Variants in DKC1 observed in about 807,000 individuals in gnomAD.
The protein encoded by DKC1 is H/ACA ribonucleoprotein complex subunit DKC1.
DKC1 carries 4 observed loss-of-function variants against 46.7 expected under a neutral mutation model. The ratio of observed to expected loss-of-function variants is 0.09; its 90% CI spans 0.04 to 0.20. The LOEUF is 0.20. Among genes scored for constraint, DKC1 ranks in the 10% least tolerant of loss-of-function variants. DKC1 has a pLI of 1.00. For missense variants in DKC1, 171 were observed against 404.2 expected (o/e 0.42, Z 4.95); for synonymous variants, 141 against 142.4 (o/e 0.99, Z 0.07).
At position 154,777,083 on chromosome X, in the gene DKC1, C is replaced by T. The variant is rs1191936614; in HGVS notation, c.*216C>T. The T allele has an allele frequency of 5.8e-6, 2 of 342,216 alleles. No homozygotes were observed. The highest frequency in any genetic ancestry group is 5.4e-5 in the East Asian group (1 of 18,615). The allele number at this position is 342,216 out of a possible 1,213,427, so 28.2% of individuals were successfully genotyped here. A position where few individuals can be genotyped will look rare whatever the true frequency, so the allele number is the denominator to read the frequency against. ...TATGGGTGGTGAAAGATGAAAGAGG[C>T]AGAGTTTATCCCAATGACTTCTCTG... On this transcript the variant is annotated 3_prime_UTR_variant, in exon 15 of 15. Coordinates refer to ENST00000369550, the MANE Select transcript of DKC1 (RefSeq NM_001363.5).
chrX:154,775,253 G>C lies in DKC1; in HGVS notation c.1318G>C (p.Glu440Gln). ...GGTAAAAGCCCCGCAGGTAGTTGCC[G>C]AAGCAGCAAAAACTGCGAAGGTGAG... is the stretch of plus-strand genomic sequence containing the variant. ...EVVKAPQVVAEAAKTAKRKRE... is the reference protein window; with the variant it reads ...EVVKAPQVVAQAAKTAKRKRE... The change falls in exon 13 of 15, where the codon GAA becomes CAA. Residue 440 changes from glutamate to glutamine, a missense_variant. Glu to Gln is a conservative substitution (Grantham distance 29, BLOSUM62 2). Coordinates refer to ENST00000369550, the MANE Select transcript of DKC1 (RefSeq NM_001363.5). 1 of 1,211,504 alleles carries C rather than the reference G, an allele frequency of 8.3e-7. No individual in the cohort carries two copies. Among genetic ancestry groups the C allele is most frequent in the Non-Finnish European group, 1.1e-6 (1 of 895,355 alleles).
chrX:154,767,843 CTTTT>C (rs35184460), intron 7 of DKC1, among the ~76,000 whole-genome samples: 92 of 65,132 alleles, frequency 1.4e-3, no homozygotes, highest in Non-Finnish European at 2.0e-3. Flanking sequence ...AATTACAGAT[CTTTT>C]TTTTTTTTTT....
At chrX:154,776,682 C>T in intron 14 of DKC1, 117 bp from the exon 15 acceptor site, 1 of 744,612 alleles carries the variant, frequency 1.3e-6, no homozygotes, top group East Asian at 3.3e-5. Flanking sequence ...CCAAAATATC[C>T]TTACAGGTCC....
chrX:154,770,529 GTCT>G (rs2071810140), intron 9 of DKC1, among the ~76,000 whole-genome samples: 1 of 104,504 alleles, frequency 9.6e-6, no homozygotes, highest in Non-Finnish European at 2.0e-5. Context: ...AAACCTGAAA[GTCT>G]TCTTTACTAC....
Position 154,764,977 on chromosome X carries a change from A to G in DKC1, c.84+11A>G. The G allele has an allele frequency of 8.5e-7, 1 of 1,176,692 alleles. No individual in the cohort carries two copies. The highest frequency in any genetic ancestry group is 1.2e-6 in the Non-Finnish European group (1 of 863,339). On this transcript the variant is annotated intron_variant, in intron 2 of 14. Coordinates refer to ENST00000369550, the MANE Select transcript of DKC1 (RefSeq NM_001363.5). ...GAAGAAGATGTAGCCGTGAGTAGTA[A>G]TGTGTTTGACTTCACTTTGACTAAA...
In DKC1 at chrX:154,776,813, CAAGAAG is replaced by C. The variant is rs782576893; in HGVS notation, c.1509_1514del (p.Lys504_Lys505del). ...TTTCTTTCTAGGACAGTGATACCAC[CAAGAAG>C]AAGAAGAAGAAGAAGAAAGCAAAAG... On this transcript the variant is annotated inframe_deletion, in exon 15 of 15. Coordinates refer to ENST00000369550, the MANE Select transcript of DKC1 (RefSeq NM_001363.5). 5.8e-5 allele frequency: 69 copies of C among 1,195,503 alleles called. No individual in the cohort carries two copies. Among genetic ancestry groups the C allele is most frequent in the African/African-American group, 2.8e-4 (16 of 56,382 alleles).
chrX:154,776,303 C>T lies in DKC1; in HGVS notation c.1455C>T (p.Ser485=), dbSNP rs782136109. The T allele has an allele frequency of 8.4e-6, 10 of 1,197,386 alleles. No homozygotes were observed. Among genetic ancestry groups the T allele is most frequent in the Admixed American group, 4.6e-5 (2 of 43,720 alleles). ...KDKKAKAGLE[S]GAEPGDGDSD... is the part of the protein sequence containing the mutation. ...AGAAGGCCAAAGCTGGTCTGGAGAG[C>T]GGGGCCGAGCCTGGAGATGGGGTGT... is the stretch of plus-strand genomic sequence containing the variant. The change falls in exon 14 of 15, where the codon AGC becomes AGT. Residue 485 remains serine (S), a synonymous_variant. Coordinates refer to ENST00000369550, the MANE Select transcript of DKC1 (RefSeq NM_001363.5).
Position 154,770,803 on chromosome X carries a change from T to A in DKC1, c.960T>A (p.Val320=). 2 of 1,211,532 alleles carry A rather than the reference T, an allele frequency of 1.7e-6. No homozygotes were observed. The highest frequency in any genetic ancestry group is 2.2e-6 in the Non-Finnish European group (2 of 895,116). ...CYGAKIMLPG[V]LRYEDGIEVN... is the part of the protein sequence containing the mutation. ...GGGCCAAGATTATGCTTCCAGGTGT[T>A]CTTCGATATGAGGACGGCATTGAGG... The change falls in exon 10 of 15, where the codon GTT becomes GTA. Residue 320 remains valine, a synonymous_variant. Coordinates refer to ENST00000369550, the MANE Select transcript of DKC1 (RefSeq NM_001363.5).
intron 1 of DKC1, among the ~76,000 whole-genome samples, chrX:154,763,675 T>C (rs1213156129): frequency 8.9e-6 from 1 of 111,846 alleles, no homozygotes; most frequent in Non-Finnish European, 1.9e-5. Flanking sequence ...GGCGATTTCA[T>C]CATTGTGTGA....
intron 2 of DKC1, chrX:154,765,214 C>T: frequency 2.1e-6 from 1 of 476,974 alleles, no homozygotes; most frequent in Non-Finnish European, 3.7e-6. Flanking sequence ...ATGCCACCCA[C>T]AGACCCGCCA....
intron 1 of DKC1, 59 bp from the exon 2 acceptor site, chrX:154,764,840 A>T: frequency 1.1e-6 from 1 of 942,702 alleles, no homozygotes; most frequent in Non-Finnish European, 1.5e-6. Context: ...TCTTTATTTT[A>T]AACCCTTGTT....
intron 7 of DKC1, among the ~76,000 whole-genome samples, chrX:154,767,764 T>C (rs1342406536): frequency 9.1e-6 from 1 of 109,732 alleles, no homozygotes; most frequent in Non-Finnish European, 1.9e-5. Flanking sequence ...CCAATTTTCC[T>C]CCCATCCATG....
At position 154,775,086 on chromosome X, in the gene DKC1, C is replaced by G. The variant is rs781999390; in HGVS notation, c.1260-109C>G. The G allele has an allele frequency of 8.1e-6, 6 of 745,247 alleles. No homozygotes were observed. In the South Asian group the frequency reaches 1.3e-4, roughly 16 times the overall value. The allele number at this position is 745,247 out of a possible 1,213,427, so 61.4% of individuals were successfully genotyped here. ...GTAAGTGGTGAGTTCTTCTGTCCAGCGTCAGTATTTTGATGGTGGCTTTAG... is the reference window on the plus strand; with the variant it reads ...GTAAGTGGTGAGTTCTTCTGTCCAGGGTCAGTATTTTGATGGTGGCTTTAG... On this transcript the variant is annotated intron_variant, in intron 12 of 14. Transcript: ENST00000369550.
intron 4 of DKC1, 61 bp downstream of exon 4, chrX:154,766,059 G>A: frequency 2.9e-6 from 3 of 1,038,723 alleles, no homozygotes; most frequent in Non-Finnish European, 4.1e-6. Context: ...TTTCACATCA[G>A]CTATTCAGGA....
intron 11 of DKC1, among the ~76,000 whole-genome samples, chrX:154,773,751 T>C (rs182275900): frequency 8.9e-6 from 1 of 112,477 alleles, no homozygotes; most frequent in Non-Finnish European, 1.9e-5. Context: ...TTTCCCCACC[T>C]TTCCCGCCTT....
intron 1 of DKC1, among the ~76,000 whole-genome samples, chrX:154,763,566 C>T (rs1557263836): frequency 8.9e-6 from 1 of 112,249 alleles, no homozygotes; most frequent in Non-Finnish European, 1.9e-5. Context: ...GTGCAGTAGC[C>T]TACAGTCAGT....
intron 10 of DKC1, 71 bp downstream of exon 10, chrX:154,770,950 G>A: frequency 1.9e-6 from 2 of 1,081,023 alleles, no homozygotes; most frequent in Admixed American, 2.2e-5. Context: ...TATTTATGGG[G>A]TTCATGAGAT....
chrX:154,763,890 G>A (rs1427090897), intron 1 of DKC1, among the ~76,000 whole-genome samples: 1 of 111,653 alleles, frequency 9.0e-6, no homozygotes, highest in East Asian at 2.8e-4. Context: ...ATAGCACAGG[G>A]CCGGGCGCGG....
Position 154,762,917 on chromosome X carries a change from T to C in DKC1, c.-49T>C, listed in dbSNP as rs1557263710. 6.9e-6 allele frequency: 8 copies of C among 1,167,455 alleles called. No homozygotes were observed. In the South Asian group the frequency reaches 1.1e-4, roughly 17 times the overall value. ...GGACCAAGGCGGCGGGAGTCTGCGG[T>C]CGTTCCCTCGGCTGTGGACCGGGCG... On this transcript the variant is annotated 5_prime_UTR_variant, in exon 1 of 15. Transcript: ENST00000369550.
Sources: gnomAD v4.1 joint callset for allele counts (sites outside exome capture counted in the v4.1 genomes callset) on GRCh38, gnomAD v4.1.1 for gene constraint, MANE v1.5 for transcripts, NCBI Gene and HGNC (gene_info 2026-07-23, HGNC 2026-07-21) for gene names.